BCAR3: variants seen among roughly 807,000 people sequenced by gnomAD.
BCAR3 encodes the protein BCAR3 adaptor protein, NSP family member.
In BCAR3, 37 loss-of-function variants were observed where a neutral mutation model predicts 80.1. That is an observed-to-expected ratio of 0.46 (90% CI 0.36 to 0.61). The LOEUF is 0.61. Among genes scored for constraint, BCAR3 ranks in the 20% least tolerant of loss-of-function variants. BCAR3 has a pLI of 0.00. For synonymous variants in BCAR3, 389 were observed against 418.9 expected (o/e 0.93, Z 0.87); for missense variants, 978 against 1,068.2 (o/e 0.92, Z 1.18).
At chr1:93,626,474 C>T (rs1675459983) in intron 3 of BCAR3, among the ~76,000 whole-genome samples, 1 of 152,064 alleles carries the variant, frequency 6.6e-6, no homozygotes, top group African/African-American at 2.4e-5. Context: ...GCTGGGGGGT[C>T]TTCTGGGGGT....
In BCAR3 at chr1:93,674,823, C is replaced by A. The variant is rs1217440680; in HGVS notation, c.108G>T (p.Glu36Asp). 3 of 1,604,876 alleles carry A rather than the reference C, an allele frequency of 1.9e-6. No individual in the cohort carries two copies. Among genetic ancestry groups the A allele is most frequent in the South Asian group, 2.2e-5 (2 of 89,596 alleles). ...CATCTTGATAGGCATCTGGGCGATG[C>A]TCAGCGAGAGGGGACCTGCTGCTCA... ...DLLSSRSPLA[E>D]HRPDAYQDVS... is the part of the protein sequence containing the mutation. Residue 36 changes from glutamate to aspartate, a missense_variant, in exon 2 of 12, where the codon GAG (glutamate) becomes GAT (aspartate). Coordinates refer to ENST00000260502, the MANE Select transcript of BCAR3 (RefSeq NM_003567.4).
At chr1:93,682,274 G>C (rs1449639678), upstream of BCAR3, among the ~76,000 whole-genome samples, 1 of 152,214 alleles carries the variant, frequency 6.6e-6, no homozygotes, top group East Asian at 1.9e-4. Context: ...GTGCGAGTTG[G>C]CGGTGGCACT....
intron 2 of BCAR3, among the ~76,000 whole-genome samples, chr1:93,661,554 C>A (rs988487186): frequency 6.6e-6 from 1 of 151,158 alleles, no homozygotes; most frequent in Non-Finnish European, 1.5e-5. Context: ...ATGGTGCAAT[C>A]TCCGCTCACT....
intron 2 of BCAR3, among the ~76,000 whole-genome samples, chr1:93,709,339 C>T (rs1331288455): frequency 6.6e-6 from 1 of 152,212 alleles, no homozygotes; most frequent in African/African-American, 2.4e-5. Flanking sequence ...TCCTGTCCCT[C>T]CAAGCCAGCC....
Position 93,698,602 on chromosome 1 carries a change from G to A in BCAR3, c.-12+7490C>T, listed in dbSNP as rs1364746556. ...AGAGGAGAGAAGGCAATATACTCAT[G>A]ACTGTGGCCCTGGCCACCTAAACTC... On this transcript the variant is annotated intron_variant, in intron 3 of 13. Coordinates refer to the BCAR3 transcript ENST00000370244. 3.3e-5 allele frequency among the ~76,000 whole-genome samples: 5 copies of A among 152,150 alleles called. No individual in the cohort carries two copies. The East Asian group carries it at 9.6e-4, about 29-fold the overall frequency.
intron 2 of BCAR3, among the ~76,000 whole-genome samples, chr1:93,782,849 A>G (rs368617805): frequency 3.2e-4 from 49 of 152,346 alleles, no homozygotes; most frequent in African/African-American, 1.1e-3. Context: ...TGTTCATCAA[A>G]AGAACCAGGA....
At chr1:93,834,824 G>A (rs574355736) in intron 2 of BCAR3, among the ~76,000 whole-genome samples, 1 of 152,224 alleles carries the variant, frequency 6.6e-6, no homozygotes, top group Admixed American at 6.5e-5. Flanking sequence ...CATTGTTCCT[G>A]GCCTGGACTT....
intron 2 of BCAR3, among the ~76,000 whole-genome samples, chr1:93,715,292 T>C (rs1391312192): frequency 2.0e-5 from 3 of 152,270 alleles, no homozygotes; most frequent in Non-Finnish European, 4.4e-5. Flanking sequence ...CTTTTAGAAA[T>C]GTTTTCTTAA....
rs1013628567 is a variant in BCAR3 at position 93,562,036 on chromosome 1, T to C, written c.*205A>G. The C allele has an allele frequency of 4.3e-5, 19 of 437,332 alleles. 1 individual carries two copies. The highest frequency in any genetic ancestry group is 5.4e-5 in the Non-Finnish European group (14 of 260,196). The allele number at this position is 437,332 out of a possible 1,614,324, so 27.1% of individuals were successfully genotyped here. On this transcript the variant is annotated 3_prime_UTR_variant, in exon 12 of 12. Transcript: ENST00000260502. ...TAGCAGTAGTTACCTTAATAATAAA[T>C]TATTCATTTTAAAATCAGTAGTAAC...
chr1:93,719,250 T>C (rs953869585), intron 2 of BCAR3, among the ~76,000 whole-genome samples: 1 of 152,064 alleles, frequency 6.6e-6, no homozygotes, highest in African/African-American at 2.4e-5. Context: ...CTCCATGTTG[T>C]ATGAGGGCCC....
At chr1:93,624,351 G>T (rs1179901298) in intron 3 of BCAR3, among the ~76,000 whole-genome samples, 1 of 152,186 alleles carries the variant, frequency 6.6e-6, no homozygotes, top group African/African-American at 2.4e-5. Flanking sequence ...TTCTTTCCAG[G>T]TCAAAGGACA....
At chr1:93,585,419 T>C (rs1201739152) in intron 5 of BCAR3, among the ~76,000 whole-genome samples, 1 of 152,038 alleles carries the variant, frequency 6.6e-6, no homozygotes, top group Non-Finnish European at 1.5e-5. Flanking sequence ...AAAGTGGCTC[T>C]ATTAGGCCTG....
intron 2 of BCAR3, among the ~76,000 whole-genome samples, chr1:93,723,031 C>T (rs1650460766): frequency 6.6e-6 from 1 of 152,136 alleles, no homozygotes; most frequent in Non-Finnish European, 1.5e-5. Context: ...TCTAAGCTCT[C>T]AGGCAAGACC....
At chr1:93,699,202 T>C (rs1404522085) in intron 3 of BCAR3, among the ~76,000 whole-genome samples, 3 of 152,210 alleles carry the variant, frequency 2.0e-5, no homozygotes, top group African/African-American at 4.8e-5. Context: ...GAGATCCAAT[T>C]TGAATTCTCC....
At chr1:93,706,234 G>T (rs1649824011) in intron 2 of BCAR3, 1 of 152,240 alleles carries the variant, frequency 6.6e-6, no homozygotes. Context: ...GGTTCTGCCA[G>T]TGGGTGAGTA....
chr1:93,674,598 A>T lies in BCAR3; in HGVS notation c.317+16T>A, dbSNP rs1648374638. ...TTAAGACAAATCATCTTCACTAGTG[A>T]AATTACAGAAGTTACCTGAAGGTGA... On this transcript the variant is annotated intron_variant, in intron 2 of 11. Transcript: ENST00000260502. 6 of 1,609,022 alleles carry T rather than the reference A, an allele frequency of 3.7e-6. No homozygotes were observed. The highest frequency in any genetic ancestry group is 4.2e-6 in the Non-Finnish European group (5 of 1,178,924).
chr1:93,575,071 A>T (rs1192864237), intron 8 of BCAR3, among the ~76,000 whole-genome samples: 1 of 152,074 alleles, frequency 6.6e-6, no homozygotes, highest in East Asian at 1.9e-4. Context: ...CCGTGAAAAC[A>T]GCAAATTCTA....
At chr1:93,785,624 A>T (rs188864485) in intron 2 of BCAR3, among the ~76,000 whole-genome samples, 28 of 152,378 alleles carry the variant, frequency 1.8e-4, no homozygotes, top group African/African-American at 6.7e-4. Flanking sequence ...TAGAACCAAC[A>T]ATAATTAACT....
At chr1:93,597,159 GAAGGA>G (rs1557853027) in intron 3 of BCAR3, among the ~76,000 whole-genome samples, 1 of 152,162 alleles carries the variant, frequency 6.6e-6, no homozygotes, top group Non-Finnish European at 1.5e-5. Flanking sequence ...GAAAAGAAGG[GAAGGA>G]GAGTTAGTAA....
Sources: allele counts gnomAD v4.1 joint callset (sites outside exome capture counted in the v4.1 genomes callset), GRCh38; gene constraint gnomAD v4.1.1; transcripts MANE v1.5; gene names NCBI Gene and HGNC (gene_info 2026-07-23, HGNC 2026-07-21).